The following C8orf34 variants were observed in gnomAD, a reference collection of about 807,000 sequenced individuals.
C8orf34 encodes the protein uncharacterized protein C8orf34.
Under a neutral mutation model 68.3 loss-of-function variants are expected in C8orf34, and 65 were observed. That is an observed-to-expected ratio of 0.95 (90% CI 0.78 to 1.17). C8orf34 has a LOEUF of 1.17. C8orf34 is among the 50% of genes most tolerant of loss of function. The pLI is 0.00. For missense variants in C8orf34, 664 were observed against 655.4 expected, an observed-to-expected ratio of 1.01 and a Z score of -0.14; for synonymous variants, 244 against 241.2, an observed-to-expected ratio of 1.01 and a Z score of -0.11.
At chr8:68,698,040 TA>T (rs760087170) in intron 8 of C8orf34, among the ~76,000 whole-genome samples, 19 of 152,046 alleles carry the variant, frequency 1.2e-4, no homozygotes, top group Non-Finnish European at 2.2e-4. Context: ...GGAGTTCCTT[TA>T]TTTACTCTTC....
At chr8:68,645,187 G>A (rs1819128123) in intron 8 of C8orf34, among the ~76,000 whole-genome samples, 1 of 152,128 alleles carries the variant, frequency 6.6e-6, no homozygotes. Context: ...TCATTTTAGG[G>A]AAAGCTCTTA....
intron 4 of C8orf34, among the ~76,000 whole-genome samples, chr8:68,479,655 T>C (rs933719628): frequency 6.6e-6 from 1 of 152,078 alleles, no homozygotes; most frequent in Non-Finnish European, 1.5e-5. Context: ...CCATGGCTTT[T>C]TGAGGGGGAT....
chr8:68,424,760 C>T (rs987729755), intron 1 of C8orf34, among the ~76,000 whole-genome samples: 3 of 151,804 alleles, frequency 2.0e-5, no homozygotes, highest in African/African-American at 2.4e-5. Flanking sequence ...ATTAGCTGGG[C>T]GTGGTGGTGG....
At chr8:68,534,384 T>C (rs1395741963) in intron 7 of C8orf34, 2 of 943,528 alleles carry the variant, frequency 2.1e-6, no homozygotes, top group Non-Finnish European at 2.5e-6. Flanking sequence ...TACTCTATGC[T>C]AAGCACTTGG....
intron 1 of C8orf34, among the ~76,000 whole-genome samples, chr8:68,343,677 T>G (rs1480500892): frequency 6.6e-6 from 1 of 151,360 alleles, no homozygotes; most frequent in Admixed American, 6.6e-5. Context: ...CACTGCAACC[T>G]CTGCCTCCTG....
chr8:68,735,537 G>A (rs539582605), intron 10 of C8orf34, among the ~76,000 whole-genome samples: 1 of 152,170 alleles, frequency 6.6e-6, no homozygotes, highest in South Asian at 2.1e-4. Context: ...TAAAAATCAT[G>A]TTTGCTTTGG....
chr8:68,766,970 G>A (rs1245870473), intron 10 of C8orf34, among the ~76,000 whole-genome samples: 5 of 152,142 alleles, frequency 3.3e-5, no homozygotes, highest in Non-Finnish European at 5.9e-5. Flanking sequence ...GATGACCTGA[G>A]GTCGGGAGTT....
intron 1 of C8orf34, among the ~76,000 whole-genome samples, chr8:68,364,954 G>A (rs938096215): frequency 4.6e-5 from 7 of 150,964 alleles, no homozygotes; most frequent in African/African-American, 1.5e-4. Flanking sequence ...AATGAATCCA[G>A]GAGCTGGTTT....
At chr8:68,493,839 G>T (rs865878493) in intron 5 of C8orf34, among the ~76,000 whole-genome samples, 1 of 152,128 alleles carries the variant, frequency 6.6e-6, no homozygotes, top group Non-Finnish European at 1.5e-5. Context: ...GACAAAGGGC[G>T]TGCTCTTACC....
At chr8:68,812,508 T>C (rs949259713) in intron 12 of C8orf34, among the ~76,000 whole-genome samples, 1 of 152,148 alleles carries the variant, frequency 6.6e-6, no homozygotes, top group African/African-American at 2.4e-5. Context: ...TTAGGACACA[T>C]AGGATTATCC....
In C8orf34 at chr8:68,445,038, C is replaced by G. The variant is rs190860989; in HGVS notation, c.476-1291C>G. 1.1e-3 allele frequency among the ~76,000 whole-genome samples: 160 copies of G among 152,268 alleles called. 1 individual carries two copies. Among genetic ancestry groups the G allele is most frequent in the African/African-American group, 3.8e-3 (157 of 41,550 alleles). ...AATCTTCCATTCTCTTTTTGAATGG[C>G]CTATATCCTGTCTTAACCTTATCTA... is the stretch of plus-strand genomic sequence containing the variant. On this transcript the variant is annotated intron_variant, in intron 2 of 13. Coordinates refer to ENST00000518698, the MANE Select transcript of C8orf34 (RefSeq NM_052958.4).
intron 1 of C8orf34, among the ~76,000 whole-genome samples, chr8:68,413,088 C>T (rs1196785490): frequency 6.6e-6 from 1 of 152,144 alleles, no homozygotes. Flanking sequence ...AATACACTAC[C>T]TACTATAACA....
intron 1 of C8orf34, among the ~76,000 whole-genome samples, chr8:68,413,556 G>C (rs961439692): frequency 4.6e-5 from 7 of 152,132 alleles, no homozygotes; most frequent in African/African-American, 1.7e-4. Flanking sequence ...TGGAGCTCTT[G>C]GTACCCATCC....
intron 1 of C8orf34, among the ~76,000 whole-genome samples, chr8:68,433,151 G>A (rs1316147326): frequency 6.6e-6 from 1 of 152,148 alleles, no homozygotes; most frequent in Non-Finnish European, 1.5e-5. Flanking sequence ...GGGGGTGAAT[G>A]TTTGGAAGGC....
At chr8:68,565,469 C>T (rs1816559011) in intron 7 of C8orf34, among the ~76,000 whole-genome samples, 1 of 152,120 alleles carries the variant, frequency 6.6e-6, no homozygotes, top group Non-Finnish European at 1.5e-5. Context: ...TTTTTTCACC[C>T]CTGTTTCCAA....
intron 12 of C8orf34, among the ~76,000 whole-genome samples, chr8:68,790,338 A>G (rs868644063): frequency 8.5e-5 from 13 of 152,226 alleles, no homozygotes; most frequent in African/African-American, 3.1e-4. Context: ...ATGAGTGAGG[A>G]AGATGACAAG....
intron 7 of C8orf34, among the ~76,000 whole-genome samples, chr8:68,620,508 C>T (rs528410618): frequency 6.6e-6 from 1 of 152,220 alleles, no homozygotes; most frequent in South Asian, 2.1e-4. Flanking sequence ...AGGTCCTGCA[C>T]GGAGAGGAGC....
At chr8:68,633,341 C>T (rs1040886677) in intron 7 of C8orf34, among the ~76,000 whole-genome samples, 1 of 152,180 alleles carries the variant, frequency 6.6e-6, no homozygotes, top group African/African-American at 2.4e-5. Context: ...TTCCCCCCAA[C>T]CTCAGTTGCT....
chr8:68,476,009 A>T (rs1486105694), intron 4 of C8orf34, among the ~76,000 whole-genome samples: 1 of 152,198 alleles, frequency 6.6e-6, no homozygotes, highest in Admixed American at 6.5e-5. Flanking sequence ...GCCAAGAGAA[A>T]AAAATAGCAA....
Sources: gnomAD v4.1 joint callset for allele counts (sites outside exome capture counted in the v4.1 genomes callset) on GRCh38, gnomAD v4.1.1 for gene constraint, MANE v1.5 for transcripts, NCBI Gene and HGNC (gene_info 2026-07-23, HGNC 2026-07-21) for gene names.